Variants in NUP153 observed in about 807,000 individuals in gnomAD.
NUP153 encodes nucleoporin 153, also known as nuclear pore complex protein Nup153.
In NUP153, 27 loss-of-function variants were observed where a neutral mutation model predicts 134.6. The ratio of observed to expected loss-of-function variants is 0.20; its 90% CI spans 0.15 to 0.28. The LOEUF (loss-of-function observed/expected upper bound fraction) is 0.28. NUP153 is among the 10% of genes least tolerant of loss of function. The probability of loss-of-function intolerance (pLI) is 1.00; values close to 1 mark genes in which losing one functional copy is unlikely to be tolerated. For missense variants in NUP153, 1,821 were observed against 1,731.3 expected, an observed-to-expected ratio of 1.05 and a Z score of -0.92; for synonymous variants, 640 against 623.5, an observed-to-expected ratio of 1.03 and a Z score of -0.40.
chr6:17,672,003 A>C (rs1273166557), intron 5 of NUP153, among the ~76,000 whole-genome samples: 1 of 151,784 alleles, frequency 6.6e-6, no homozygotes. Context: ...GCAAGATCCC[A>C]TCTAAAAAAT....
At chr6:17,691,286 GAAC>G in intron 1 of NUP153, among the ~76,000 whole-genome samples, 1 of 152,204 alleles carries the variant, frequency 6.6e-6, no homozygotes, top group African/African-American at 2.4e-5. Context: ...ACTAACTACT[GAAC>G]AACACCAATT....
intron 16 of NUP153, among the ~76,000 whole-genome samples, chr6:17,634,501 A>G (rs1765421041): frequency 6.6e-6 from 1 of 151,912 alleles, no homozygotes; most frequent in African/African-American, 2.4e-5. Context: ...GAGTGGCACA[A>G]TCTCAGCTCA....
intron 2 of NUP153, among the ~76,000 whole-genome samples, chr6:17,681,207 G>A (rs1364292961): frequency 1.4e-5 from 2 of 138,710 alleles, no homozygotes; most frequent in Admixed American, 7.1e-5. Flanking sequence ...AAATGTGACA[G>A]CTTTAAAAAA....
At chr6:17,695,534 A>G (rs1769579552) in intron 1 of NUP153, among the ~76,000 whole-genome samples, 1 of 152,226 alleles carries the variant, frequency 6.6e-6, no homozygotes, top group Non-Finnish European at 1.5e-5. Context: ...CATATTTTTA[A>G]TATCAACTCT....
intron 11 of NUP153, among the ~76,000 whole-genome samples, chr6:17,654,041 G>C (rs1450802111): frequency 2.0e-5 from 3 of 151,966 alleles, no homozygotes; most frequent in Non-Finnish European, 4.4e-5. Flanking sequence ...TTTCTTTTTT[G>C]ATAAAGCAAA....
chr6:17,631,714 C>G (rs1308736029), intron 17 of NUP153, among the ~76,000 whole-genome samples: 2 of 152,010 alleles, frequency 1.3e-5, no homozygotes, highest in Non-Finnish European at 2.9e-5. Flanking sequence ...CGCCTGTAAT[C>G]CCAGCACTTT....
intron 2 of NUP153, among the ~76,000 whole-genome samples, chr6:17,686,912 A>T (rs899039919): frequency 9.6e-6 from 1 of 104,400 alleles, no homozygotes. Flanking sequence ...GGGGGCGGGG[A>T]GTGGGGGGTG....
chr6:17,650,437 G>A (rs1185650493), intron 11 of NUP153, among the ~76,000 whole-genome samples: 1 of 152,142 alleles, frequency 6.6e-6, no homozygotes, highest in Non-Finnish European at 1.5e-5. Context: ...CAGCTGTAAG[G>A]CAGACTCCAA....
At chr6:17,630,669 TAAAGA>T (rs1765196765) in intron 17 of NUP153, among the ~76,000 whole-genome samples, 1 of 117,334 alleles carries the variant, frequency 8.5e-6, no homozygotes, top group South Asian at 2.7e-4. Flanking sequence ...TCAAAATAAA[TAAAGA>T]AAAGAAAACA....
chr6:17,701,836 G>T lies in NUP153; in HGVS notation c.111+4441C>A, dbSNP rs943117999. 2.8e-5 allele frequency among the ~76,000 whole-genome samples: 3 copies of T among 106,412 alleles called. 1 individual carries two copies. The highest frequency in any genetic ancestry group is 6.1e-5 in the Non-Finnish European group (3 of 48,828). 69.8% of individuals were successfully genotyped at this position (106,412 alleles called of 152,430 possible). On this transcript the variant is annotated intron_variant, in intron 1 of 21. Coordinates refer to ENST00000262077, the MANE Select transcript of NUP153 (RefSeq NM_005124.4). Reference sequence around the variant, plus strand: ...CAACAGAGCAAGACTCTGTCTCGGGGGGGGGGGGAAAAAAGCTAAATGCAG... The same window carrying T: ...CAACAGAGCAAGACTCTGTCTCGGGTGGGGGGGGAAAAAAGCTAAATGCAG...
chr6:17,627,073 C>T (rs1426515127), intron 18 of NUP153, among the ~76,000 whole-genome samples: 2 of 152,032 alleles, frequency 1.3e-5, no homozygotes, highest in Non-Finnish European at 2.9e-5. Context: ...TAAACTATTC[C>T]AATAATCTCT....
At chr6:17,697,292 A>G (rs1359672808) in intron 1 of NUP153, among the ~76,000 whole-genome samples, 3 of 152,238 alleles carry the variant, frequency 2.0e-5, no homozygotes, top group Non-Finnish European at 4.4e-5. Context: ...TAAAAATTCA[A>G]TCTGGGGATT....
intron 11 of NUP153, among the ~76,000 whole-genome samples, chr6:17,657,982 T>G (rs1172776165): frequency 6.6e-6 from 1 of 152,246 alleles, no homozygotes; most frequent in East Asian, 1.9e-4. Context: ...AAAGACAAGT[T>G]CGAGCGATTT....
At chr6:17,683,798 T>A (rs34277406) in intron 2 of NUP153, among the ~76,000 whole-genome samples, 16,169 of 152,230 alleles carry the variant, frequency 0.11, 903 homozygotes, top group Admixed American at 0.13. Flanking sequence ...CTAGATGGTA[T>A]CTTCTTCCAA....
chr6:17,656,111 A>C (rs1486238330), intron 11 of NUP153, among the ~76,000 whole-genome samples: 1 of 140,336 alleles, frequency 7.1e-6, no homozygotes, highest in Non-Finnish European at 1.5e-5. Flanking sequence ...AGGCTGAGGC[A>C]GGAGAATTGC....
intron 2 of NUP153, among the ~76,000 whole-genome samples, chr6:17,682,265 A>T (rs369018001): frequency 2.8e-4 from 43 of 152,268 alleles, no homozygotes; most frequent in African/African-American, 1.0e-3. Context: ...AACAAATAAC[A>T]ATCTGCTGAG....
chr6:17,616,761 G>GT (rs1764358106), intron 20 of NUP153, 66 bp from the exon 21 acceptor site: 1 of 1,480,252 alleles, frequency 6.8e-7, no homozygotes, highest in Non-Finnish European at 9.3e-7. Flanking sequence ...TTGTTTGTTT[G>GT]TTTTTTGAGA....
chr6:17,645,239 T>C (rs558522429), intron 14 of NUP153, among the ~76,000 whole-genome samples: 12 of 141,720 alleles, frequency 8.5e-5, no homozygotes, highest in African/African-American at 3.0e-4. Flanking sequence ...CGAGACTCTG[T>C]CTCAAAAAAA....
Position 17,632,822 on chromosome 6 carries a change from A to G in NUP153, c.2487T>C (p.Ser829=). 1 of 1,314,562 alleles carries G rather than the reference A, an allele frequency of 7.6e-7. No individual in the cohort carries two copies. The allele number at this position is 1,314,562 out of a possible 1,614,324, so 81.4% of individuals were successfully genotyped here. ...GCAGAGAGACAGGTACAGTGCTGCT[A>G]CTTGAAGCAGGTACTGAACTTCCTA... ...EKPGSSVPAS[S]SSTVPVSLPS... The change falls in exon 17 of 22, where the codon AGT becomes AGC. Residue 829 remains serine (S), a synonymous_variant. Transcript: ENST00000262077.
Sources: allele counts gnomAD v4.1 joint callset (sites outside exome capture counted in the v4.1 genomes callset), GRCh38; gene constraint gnomAD v4.1.1; transcripts MANE v1.5; gene names NCBI Gene and HGNC (gene_info 2026-07-23, HGNC 2026-07-21).